The following CDC73 variants were observed in gnomAD, a reference collection of about 807,000 sequenced individuals.
CDC73 encodes parafibromin.
Under a neutral mutation model 83.7 loss-of-function variants are expected in CDC73, and 21 were observed. The ratio of observed to expected loss-of-function variants is 0.25; its 90% confidence interval spans 0.18 to 0.36. The LOEUF (loss-of-function observed/expected upper bound fraction) is 0.36. Among genes scored for constraint, CDC73 ranks in the 10% least tolerant of loss-of-function variants. The probability of loss-of-function intolerance (pLI) is 1.00; values close to 1 mark genes in which losing one functional copy is unlikely to be tolerated. For synonymous variants in CDC73, 224 were observed against 212.9 expected (o/e 1.05, Z -0.45); for missense variants, 342 against 653.3 (o/e 0.52, Z 5.19).
chr1:193,139,442 T>C (rs1675863237), intron 6 of CDC73, among the ~76,000 whole-genome samples: 1 of 152,308 alleles, frequency 6.6e-6, no homozygotes, highest in East Asian at 1.9e-4. Flanking sequence ...AATTTTTGCA[T>C]GTTTTGCTCT....
chr1:193,180,329 TTTC>T, intron 10 of CDC73: 1 of 1,590,654 alleles, frequency 6.3e-7, no homozygotes, highest in Non-Finnish European at 8.6e-7. Flanking sequence ...CTGCCTGCCT[TTTC>T]TTTTGCTGCG....
At chr1:193,250,000 T>C in intron 16 of CDC73, 129 bp downstream of exon 16, 2 of 825,406 alleles carry the variant, frequency 2.4e-6, no homozygotes, top group Non-Finnish European at 4.1e-6. Context: ...ACTTGATGCT[T>C]ATCTTCAGTA....
intron 15 of CDC73, 101 bp from the exon 16 acceptor site, chr1:193,249,629 C>A: frequency 1.2e-6 from 1 of 846,694 alleles, no homozygotes; most frequent in Admixed American, 2.1e-5. Flanking sequence ...TTTAAAAGAT[C>A]ACTTTAGTTA....
At chr1:193,159,267 A>G (rs1362799261) in intron 10 of CDC73, among the ~76,000 whole-genome samples, 1 of 152,194 alleles carries the variant, frequency 6.6e-6, no homozygotes, top group African/African-American at 2.4e-5. Flanking sequence ...CTCATCAGAA[A>G]GGTGGTATAA....
chr1:193,141,557 C>G (rs1484101156), intron 6 of CDC73, among the ~76,000 whole-genome samples: 3 of 151,998 alleles, frequency 2.0e-5, no homozygotes, highest in Admixed American at 6.6e-5. Flanking sequence ...AGAAAAGCAC[C>G]TATATTAATG....
intron 10 of CDC73, among the ~76,000 whole-genome samples, chr1:193,200,759 G>A (rs1329851476): frequency 3.0e-5 from 4 of 135,186 alleles, no homozygotes; most frequent in East Asian, 1.9e-4. Context: ...AATACATTCC[G>A]TGTGTGTGTG....
chr1:193,160,004 T>A (rs1676281509), intron 10 of CDC73, among the ~76,000 whole-genome samples: 1 of 152,172 alleles, frequency 6.6e-6, no homozygotes, highest in African/African-American at 2.4e-5. Flanking sequence ...CGAATATTAT[T>A]TTTATGTGGT....
chr1:193,249,678 C>CTTTTTTTTTTTTTTTTTTTTTTTTTTTT, intron 15 of CDC73, 52 bp from the exon 16 acceptor site: 1 of 1,442,288 alleles, frequency 6.9e-7, no homozygotes, highest in Non-Finnish European at 9.7e-7. Context: ...AAATTTTTTT[C>CTTTTTTTTTTTTTTTTTTTTTTTTTTTT]TTTTTTTTTA....
intron 10 of CDC73, among the ~76,000 whole-genome samples, chr1:193,162,300 A>G (rs1412881622): frequency 1.3e-3 from 167 of 128,422 alleles, no homozygotes; most frequent in South Asian, 4.6e-3. Context: ...TATATTATAT[A>G]TACTATATAT....
At chr1:193,173,605 A>G (rs1215228381) in intron 10 of CDC73, among the ~76,000 whole-genome samples, 2 of 152,232 alleles carry the variant, frequency 1.3e-5, no homozygotes, top group Non-Finnish European at 2.9e-5. Flanking sequence ...AACAAGCACC[A>G]TAAATTGCGT....
chr1:193,223,832 C>G (rs1677513273), intron 13 of CDC73, among the ~76,000 whole-genome samples: 1 of 151,090 alleles, frequency 6.6e-6, no homozygotes. Context: ...TGCGCTAGCT[C>G]AGATAGGCTT....
chr1:193,235,470 A>G (rs540282831), intron 14 of CDC73, among the ~76,000 whole-genome samples: 1 of 152,330 alleles, frequency 6.6e-6, no homozygotes, highest in African/African-American at 2.4e-5. Flanking sequence ...AATGTTAACC[A>G]TTATTGCTGA....
chr1:193,136,734 A>G (rs1227580326), intron 5 of CDC73, among the ~76,000 whole-genome samples: 1 of 152,154 alleles, frequency 6.6e-6, no homozygotes, highest in Admixed American at 6.5e-5. Flanking sequence ...CCTGTGGTAA[A>G]CAATGTGTAT....
Position 193,150,049 on chromosome 1 carries a change from G to C in CDC73, c.829-255G>C, listed in dbSNP as rs368202439. ...CTTAGCACTTTGCGAGACTGAGGTCGATCACCTGAGGCTGGGATTCAAAAC... is the reference window on the plus strand; with the variant it reads ...CTTAGCACTTTGCGAGACTGAGGTCCATCACCTGAGGCTGGGATTCAAAAC... On this transcript the variant is annotated intron_variant, in intron 8 of 16. Transcript: ENST00000367435. Among the ~76,000 whole-genome samples, 4 of 151,992 alleles carry C rather than the reference G, an allele frequency of 2.6e-5. No homozygotes were observed. The East Asian group carries it at 7.7e-4, about 29-fold the overall frequency.
intron 14 of CDC73, among the ~76,000 whole-genome samples, chr1:193,235,990 G>T (rs189884571): frequency 2.0e-5 from 3 of 152,160 alleles, no homozygotes; most frequent in East Asian, 1.9e-4. Flanking sequence ...GATTACATAC[G>T]AGTATTGTCC....
At chr1:193,224,339 GTATATA>G (rs10541068) in intron 13 of CDC73, among the ~76,000 whole-genome samples, 1 of 149,784 alleles carries the variant, frequency 6.7e-6, no homozygotes, top group Non-Finnish European at 1.5e-5. Flanking sequence ...ATTGTTCCAT[GTATATA>G]TATATATATA....
At chr1:193,136,218 ATGTGG>A (rs1675797462) in intron 5 of CDC73, among the ~76,000 whole-genome samples, 1 of 152,150 alleles carries the variant, frequency 6.6e-6, no homozygotes, top group Non-Finnish European at 1.5e-5. Flanking sequence ...AAATGAACAG[ATGTGG>A]CTATGTTTCT....
intron 8 of CDC73, among the ~76,000 whole-genome samples, chr1:193,148,172 A>G (rs1676043091): frequency 6.6e-6 from 1 of 152,240 alleles, no homozygotes; most frequent in Non-Finnish European, 1.5e-5. Flanking sequence ...AGTAATTCTT[A>G]ATATACCTGG....
chr1:193,147,764 A>G, intron 7 of CDC73, 103 bp from the exon 8 acceptor site: 2 of 735,262 alleles, frequency 2.7e-6, no homozygotes, highest in Non-Finnish European at 4.9e-6. Context: ...TGACATATGT[A>G]GTAGGGAAGA....
Sources: gnomAD v4.1 joint callset for allele counts (sites outside exome capture counted in the v4.1 genomes callset) on GRCh38, gnomAD v4.1.1 for gene constraint, MANE v1.5 for transcripts, NCBI Gene and HGNC (gene_info 2026-07-23, HGNC 2026-07-21) for gene names.